POU2F2: variants seen among roughly 807,000 people sequenced by gnomAD.
POU2F2 encodes the protein POU class 2 homeobox 2, also known as POU domain, class 2, transcription factor 2.
Under a neutral mutation model 63.5 loss-of-function variants are expected in POU2F2, and 14 were observed. The observed-to-expected ratio is 0.22, with a 90% confidence interval of 0.15 to 0.34. The LOEUF (loss-of-function observed/expected upper bound fraction) is 0.34, where lower values mean the gene tolerates loss of function less well. Ranked by LOEUF, POU2F2 falls within the 10% of genes least tolerant of loss-of-function variation. The pLI is 1.00. For missense variants in POU2F2, 607 were observed against 815.2 expected, an observed-to-expected ratio of 0.74 and a Z score of 3.11; for synonymous variants, 306 against 348.6, an observed-to-expected ratio of 0.88 and a Z score of 1.36.
chr19:42,121,168 G>A (rs1218267640), intron 4 of POU2F2, among the ~76,000 whole-genome samples: 6 of 152,118 alleles, frequency 3.9e-5, no homozygotes, highest in Admixed American at 2.6e-4. Flanking sequence ...ATGGATACAC[G>A]CTGTGCTCTG....
At chr19:42,191,786 G>C (rs529928444) in intron 1 of POU2F2, among the ~76,000 whole-genome samples, 2 of 152,184 alleles carry the variant, frequency 1.3e-5, no homozygotes, top group African/African-American at 4.8e-5. Context: ...TCAGAGAGCA[G>C]GATGCTGGAT....
chr19:42,171,674 CG>C (rs970120295), intron 1 of POU2F2, among the ~76,000 whole-genome samples: 4 of 152,168 alleles, frequency 2.6e-5, no homozygotes, highest in African/African-American at 9.7e-5. Context: ...GGCCTCACTG[CG>C]GCGGATTAAG....
At chr19:42,115,112 T>G (rs1364829400) in intron 5 of POU2F2, among the ~76,000 whole-genome samples, 1 of 151,840 alleles carries the variant, frequency 6.6e-6, no homozygotes, top group East Asian at 1.9e-4. Context: ...AATCCGCCAC[T>G]GCACTCCAGC....
intron 1 of POU2F2, among the ~76,000 whole-genome samples, chr19:42,172,788 C>T (rs1294642992): frequency 6.6e-6 from 1 of 152,174 alleles, no homozygotes; most frequent in Non-Finnish European, 1.5e-5. Flanking sequence ...CTCACTGAAC[C>T]ACATAAGGCA....
At chr19:42,164,248 C>T (rs924560662) in intron 1 of POU2F2, among the ~76,000 whole-genome samples, 2 of 147,506 alleles carry the variant, frequency 1.4e-5, no homozygotes, top group African/African-American at 2.5e-5. Flanking sequence ...GCTGAGATTG[C>T]GCCACTGCAC....
chr19:42,123,625 G>C (rs1208706056), intron 1 of POU2F2, among the ~76,000 whole-genome samples: 1 of 152,098 alleles, frequency 6.6e-6, no homozygotes, highest in Admixed American at 6.5e-5. Flanking sequence ...TGGACCCCTG[G>C]TCTTCATGAC....
At position 42,186,193 on chromosome 19, in the gene POU2F2, C is replaced by T. The variant is rs572664812; in HGVS notation, c.-70+10190G>A. On this transcript the variant is annotated intron_variant, in intron 1 of 5. Transcript: ENST00000532176. ...AAAAAAAATTAGCCGGGTGTGGTGGCGGGCGTCTGTAGTCCCAGCTACTTG... is the reference window on the plus strand; with the variant it reads ...AAAAAAAATTAGCCGGGTGTGGTGGTGGGCGTCTGTAGTCCCAGCTACTTG... 4.7e-3 allele frequency among the ~76,000 whole-genome samples: 710 copies of T among 151,892 alleles called. 2 individuals carry two copies. Among genetic ancestry groups the T allele is most frequent in the African/African-American group, 0.017 (686 of 41,396 alleles).
intron 2 of POU2F2, among the ~76,000 whole-genome samples, chr19:42,149,599 G>A (rs545047410): frequency 3.9e-5 from 6 of 152,294 alleles, no homozygotes; most frequent in Non-Finnish European, 5.9e-5. Flanking sequence ...AGCAATAAAG[G>A]AAAGAGAGTC....
intron 1 of POU2F2, among the ~76,000 whole-genome samples, chr19:42,185,631 G>C (rs1330052918): frequency 1.3e-5 from 2 of 151,998 alleles, no homozygotes; most frequent in African/African-American, 2.4e-5. Context: ...TTGTCCCCCT[G>C]GCTAACTTCT....
intron 1 of POU2F2, among the ~76,000 whole-genome samples, chr19:42,192,841 AAG>A (rs201300463): frequency 1.3e-5 from 2 of 152,192 alleles, no homozygotes; most frequent in East Asian, 3.8e-4. Context: ...ATGTGAAGCA[AAG>A]AGAGCTCTCA....
chr19:42,102,623 G>T (rs1297822350), intron 5 of POU2F2, among the ~76,000 whole-genome samples: 1 of 151,198 alleles, frequency 6.6e-6, no homozygotes, highest in African/African-American at 2.4e-5. Context: ...GTATAGTGGT[G>T]AGTAAAAAAT....
rs886422229 is a variant in POU2F2 at position 42,091,453 on chromosome 19, A to G, written c.1679T>C (p.Leu560Pro). The change falls in exon 15 of 15, where the codon CTG becomes CCG. Residue 560 changes from leucine (L) to proline (P), a missense_variant. Physicochemically the swap from Leu to Pro is moderately conservative, Grantham distance 98. Coordinates refer to ENST00000692977, the MANE Select transcript of POU2F2 (RefSeq NM_001394376.1). ...PLFLNHAGLP[L>P]LSTPPGVGLV... ...GCCCACACCAGGCGGGGTGCTGAGC[A>G]GGGGCAGCCCAGCATGATTCAAGAA... The G allele has an allele frequency of 1.9e-6, 3 of 1,550,932 alleles. No homozygotes were observed. The highest frequency in any genetic ancestry group is 2.6e-6 in the Non-Finnish European group (3 of 1,146,884).
chr19:42,180,894 ATT>A (rs112622594), upstream of POU2F2, among the ~76,000 whole-genome samples: 22 of 140,200 alleles, frequency 1.6e-4, no homozygotes, highest in Admixed American at 5.7e-4. Flanking sequence ...ACACCCATCT[ATT>A]TTTTTTTTTT....
intron 2 of POU2F2, among the ~76,000 whole-genome samples, chr19:42,143,443 C>T (rs1289982773): frequency 6.6e-6 from 1 of 152,228 alleles, no homozygotes. Context: ...ATTGCAATAT[C>T]ATCTGTTTCC....
chr19:42,171,148 T>G (rs916077806), intron 1 of POU2F2, among the ~76,000 whole-genome samples: 3 of 152,256 alleles, frequency 2.0e-5, no homozygotes, highest in African/African-American at 7.2e-5. Flanking sequence ...CTCAGCACAC[T>G]GCTCAGGCTG....
In POU2F2 at chr19:42,160,054, C is replaced by T. The variant is rs559668920; in HGVS notation, c.-9+278G>A. 1.1e-4 allele frequency among the ~76,000 whole-genome samples: 17 copies of T among 152,260 alleles called. No homozygotes were observed. In the South Asian group the frequency reaches 3.5e-3, roughly 32 times the overall value. On this transcript the variant is annotated intron_variant, in intron 2 of 6. Transcript: ENST00000524801. The stretch of plus-strand genomic sequence containing the variant: ...TTGAACCCAAAGCTGTGATCTGAGC[C>T]ACCGAGTTACCCCCATCTCTCTCCT...
intron 5 of POU2F2, among the ~76,000 whole-genome samples, chr19:42,109,632 G>A (rs2030749914): frequency 6.6e-6 from 1 of 152,136 alleles, no homozygotes; most frequent in South Asian, 2.1e-4. Flanking sequence ...CAAAGACAGA[G>A]TTTTAGTTTT....
intron 5 of POU2F2, among the ~76,000 whole-genome samples, chr19:42,104,543 G>A (rs983589255): frequency 6.6e-6 from 1 of 152,070 alleles, no homozygotes; most frequent in Non-Finnish European, 1.5e-5. Context: ...GCAAGAATGA[G>A]GAGTCTCTTT....
At chr19:42,181,907 T>A (rs189190233) in intron 1 of POU2F2, among the ~76,000 whole-genome samples, 92 of 152,264 alleles carry the variant, frequency 6.0e-4, no homozygotes, top group African/African-American at 2.1e-3. Context: ...TTTAGATAGA[T>A]GCATTTGTTC....
Sources: allele counts gnomAD v4.1 joint callset (sites outside exome capture counted in the v4.1 genomes callset), GRCh38; gene constraint gnomAD v4.1.1; transcripts MANE v1.5; gene names NCBI Gene and HGNC (gene_info 2026-07-23, HGNC 2026-07-21).